Variants in SCUBE2 observed in about 807,000 individuals in gnomAD.
SCUBE2 encodes the protein signal peptide, CUB and EGF-like domain-containing protein 2.
SCUBE2 carries 114 observed loss-of-function variants against 125.9 expected under a neutral mutation model. That is an observed-to-expected ratio of 0.91 (90% CI 0.78 to 1.06). The LOEUF is 1.06. Ranked by LOEUF, SCUBE2 falls within the 50% of genes least tolerant of loss-of-function variation. SCUBE2 has a pLI of 0.00. For synonymous variants in SCUBE2, 459 were observed against 492.9 expected (o/e 0.93, Z 0.91); for missense variants, 1,255 against 1,301.8 (o/e 0.96, Z 0.55).
intron 18 of SCUBE2, among the ~76,000 whole-genome samples, chr11:9,030,491 C>CA (rs1207314148): frequency 5.3e-5 from 8 of 152,258 alleles, no homozygotes; most frequent in Admixed American, 2.0e-4. Flanking sequence ...GAGGAAGGAA[C>CA]CAGGGGAACC....
chr11:9,060,364 C>T (rs750046057), intron 8 of SCUBE2, 44 bp downstream of exon 8: 2 of 1,478,916 alleles, frequency 1.4e-6, no homozygotes, highest in Non-Finnish European at 1.9e-6. Context: ...TGGGCCCTCC[C>T]TCCATAACAG....
At chr11:9,089,037 G>A (rs1236046587) in intron 2 of SCUBE2, among the ~76,000 whole-genome samples, 9 of 152,150 alleles carry the variant, frequency 5.9e-5, no homozygotes, top group South Asian at 2.1e-4. Flanking sequence ...GAACAGCCTC[G>A]AGTGTCCAGT....
intron 9 of SCUBE2, among the ~76,000 whole-genome samples, chr11:9,058,635 G>T (rs934647158): frequency 5.2e-4 from 45 of 86,560 alleles, no homozygotes; most frequent in Admixed American, 1.9e-3. Flanking sequence ...AAAAAATTCA[G>T]AAATTAGCTG....
intron 6 of SCUBE2, 91 bp downstream of exon 6, chr11:9,066,606 G>T: frequency 9.5e-7 from 1 of 1,047,988 alleles, no homozygotes; most frequent in Non-Finnish European, 1.5e-6. Flanking sequence ...ACAGGAAACA[G>T]CCTGCATCTG....
Position 9,074,511 on chromosome 11 carries a change from T to G in SCUBE2, c.487A>C (p.Asn163His), listed in dbSNP as rs769873170. 4 of 1,614,076 alleles carry G rather than the reference T, an allele frequency of 2.5e-6. No homozygotes were observed. The highest frequency in any genetic ancestry group is 3.4e-6 in the Non-Finnish European group (4 of 1,180,038). Residue 163 changes from asparagine to histidine, a missense_variant, in exon 4 of 23, where the codon AAT becomes CAT. Asn to His is a moderately conservative substitution (Grantham distance 68). This residue lies in a region of SCUBE2 where 362 missense variants were observed against 323.0 expected (regional missense o/e 1.12). Coordinates refer to ENST00000649792, the MANE Select transcript of SCUBE2 (RefSeq NM_001367977.2). Reference protein sequence around the residue: ...CCKEGFFLSDNQHTCIHRSEE... With the variant: ...CCKEGFFLSDHQHTCIHRSEE... ...GAGCGGTGAATGCAGGTGTGCTGAT[T>G]GTCACTCAGGAAAAACCCCTCCTTG...
intron 10 of SCUBE2, among the ~76,000 whole-genome samples, chr11:9,054,745 T>TTTTTTC (rs1858899964): frequency 1.8e-5 from 2 of 110,460 alleles, no homozygotes; most frequent in Admixed American, 8.8e-5. Flanking sequence ...TTTTTTTTTT[T>TTTTTTC]TTTTTTTCAG....
At chr11:9,054,074 G>A (rs1482050800) in intron 10 of SCUBE2, among the ~76,000 whole-genome samples, 1 of 140,366 alleles carries the variant, frequency 7.1e-6, no homozygotes, top group Non-Finnish European at 1.5e-5. Context: ...TCAGCTCACT[G>A]CAACCTCCGT....
chr11:9,060,114 G>C (rs7127387), intron 8 of SCUBE2, among the ~76,000 whole-genome samples: 30,430 of 152,152 alleles, frequency 0.2, 3,225 homozygotes, highest in Middle Eastern at 0.27. Flanking sequence ...GCAAATGAAT[G>C]CTTCCTTTAA....
intron 17 of SCUBE2, 130 bp downstream of exon 17, chr11:9,033,496 G>A (rs917143445): frequency 2.3e-4 from 230 of 1,021,732 alleles, no homozygotes; most frequent in Non-Finnish European, 3.1e-4. Flanking sequence ...AAGATGAATC[G>A]AGCCAACGTG....
At chr11:9,028,886 T>C (rs1222772833) in intron 19 of SCUBE2, among the ~76,000 whole-genome samples, 1 of 152,166 alleles carries the variant, frequency 6.6e-6, no homozygotes, top group East Asian at 1.9e-4. Context: ...TAGGATATCA[T>C]GAGGTAGCAA....
intron 9 of SCUBE2, among the ~76,000 whole-genome samples, chr11:9,058,368 C>A (rs2135553689): frequency 6.6e-6 from 1 of 152,036 alleles, no homozygotes; most frequent in Non-Finnish European, 1.5e-5. Flanking sequence ...GAGGCCGAGG[C>A]AGGCAGATCA....
intron 17 of SCUBE2, among the ~76,000 whole-genome samples, chr11:9,031,631 A>C (rs1232808095): frequency 6.6e-6 from 1 of 151,792 alleles, no homozygotes; most frequent in Non-Finnish European, 1.5e-5. Flanking sequence ...TTGTCTCTAA[A>C]AAAAAAAAAG....
intron 2 of SCUBE2, among the ~76,000 whole-genome samples, chr11:9,086,239 C>G (rs1278778889): frequency 1.3e-5 from 2 of 152,210 alleles, no homozygotes; most frequent in Admixed American, 1.3e-4. Context: ...TTTAAACCCA[C>G]TTATTCAGGG....
intron 21 of SCUBE2, chr11:9,022,883 T>G (rs890859074): frequency 6.6e-6 from 1 of 152,318 alleles, no homozygotes; most frequent in Non-Finnish European, 1.5e-5. Flanking sequence ...TTTTTCTCTA[T>G]TCTTGTATTA....
intron 3 of SCUBE2, among the ~76,000 whole-genome samples, chr11:9,074,822 T>C (rs988075516): frequency 2.0e-5 from 3 of 152,240 alleles, no homozygotes; most frequent in African/African-American, 7.2e-5. Context: ...GACCGCCACA[T>C]GGACACAAGG....
intron 4 of SCUBE2, among the ~76,000 whole-genome samples, chr11:9,070,087 C>T (rs983039667): frequency 9.2e-5 from 14 of 152,232 alleles, no homozygotes; most frequent in African/African-American, 3.1e-4. Flanking sequence ...TCCCTCAGGG[C>T]ATAAGCCTCT....
intron 3 of SCUBE2, among the ~76,000 whole-genome samples, chr11:9,077,895 T>C (rs935869686): frequency 2.6e-5 from 4 of 152,196 alleles, no homozygotes; most frequent in Non-Finnish European, 4.4e-5. Flanking sequence ...AGCAGGCCAA[T>C]ACTCAGAGCC....
intron 16 of SCUBE2, among the ~76,000 whole-genome samples, chr11:9,036,088 C>A (rs1201996397): frequency 6.6e-6 from 1 of 152,122 alleles, no homozygotes; most frequent in Admixed American, 6.5e-5. Context: ...CAGGGTTTCA[C>A]CATGCCAGCC....
chr11:9,081,660 AC>A (rs1861650075), intron 2 of SCUBE2, among the ~76,000 whole-genome samples: 2 of 12,174 alleles, frequency 1.6e-4, no homozygotes, highest in South Asian at 0.062. Flanking sequence ...CCTCAAAAAA[AC>A]AAACAAACAA....
Sources: gnomAD v4.1 joint callset for allele counts (sites outside exome capture counted in the v4.1 genomes callset) on GRCh38, gnomAD v4.1.1 for gene constraint, gnomAD v4.1.1 regional missense constraint, MANE v1.5 for transcripts, NCBI Gene and HGNC (gene_info 2026-07-23, HGNC 2026-07-21) for gene names.